ADGRB3: variants seen among roughly 807,000 people sequenced by gnomAD.
ADGRB3 encodes brain-specific angiogenesis inhibitor 3.
A neutral mutation model predicts 193.4 loss-of-function variants in ADGRB3; 37 were observed. That is an observed-to-expected ratio of 0.19 (90% CI 0.15 to 0.25). The LOEUF (loss-of-function observed/expected upper bound fraction) is 0.25. ADGRB3 is among the 10% of genes least tolerant of loss of function. The pLI is 1.00. For synonymous variants in ADGRB3, 690 were observed against 644.2 expected (o/e 1.07, Z -1.08); for missense variants, 1,637 against 1,852.9 (o/e 0.88, Z 2.14).
intron 17 of ADGRB3, among the ~76,000 whole-genome samples, chr6:69,146,317 C>G (rs755603931): frequency 2.0e-5 from 3 of 152,212 alleles, no homozygotes; most frequent in Non-Finnish European, 4.4e-5. Context: ...CAACTTTGCT[C>G]AAAGATCAGA....
chr6:69,077,511 A>G (rs1027695890), intron 17 of ADGRB3, among the ~76,000 whole-genome samples: 3 of 151,876 alleles, frequency 2.0e-5, no homozygotes, highest in Non-Finnish European at 2.9e-5. Context: ...AGTGTTAGTT[A>G]TTCCAAAAGC....
rs752043120 is a variant in ADGRB3 at position 68,975,344 on chromosome 6, G to T, written c.1734+4G>T. 6.2e-7 allele frequency: 1 copy of T among 1,607,932 alleles called. No individual in the cohort carries two copies. The highest frequency in any genetic ancestry group is 8.5e-7 in the Non-Finnish European group (1 of 1,174,794). On this transcript the variant is annotated splice_donor_region_variant and intron_variant, in intron 10 of 31. Transcript: ENST00000370598. ...GTACAGACACTTGCAGCATTCAGTA[G>T]GTGCAAAGCCAGCTTTAGTACTTGC... is the stretch of plus-strand genomic sequence containing the variant.
intron 31 of ADGRB3, among the ~76,000 whole-genome samples, chr6:69,385,504 A>G (rs1770051179): frequency 6.6e-6 from 1 of 152,010 alleles, no homozygotes; most frequent in African/African-American, 2.4e-5. Flanking sequence ...CTAACATTCT[A>G]TTTCTACTGA....
intron 3 of ADGRB3, among the ~76,000 whole-genome samples, chr6:68,922,887 T>TTAG (rs929729566): frequency 2.6e-5 from 4 of 151,104 alleles, no homozygotes; most frequent in African/African-American, 7.3e-5. Context: ...CACTTGTCCC[T>TTAG]TAGTATAATA....
At chr6:69,111,336 G>T (rs1443387223) in intron 17 of ADGRB3, among the ~76,000 whole-genome samples, 3 of 152,144 alleles carry the variant, frequency 2.0e-5, no homozygotes, top group African/African-American at 7.2e-5. Context: ...CCAGGTAAAT[G>T]GTTTGCAGTA....
intron 3 of ADGRB3, among the ~76,000 whole-genome samples, chr6:68,688,895 C>T (rs1274737760): frequency 6.6e-6 from 1 of 152,138 alleles, no homozygotes; most frequent in Non-Finnish European, 1.5e-5. Flanking sequence ...TTAATCCTTG[C>T]ATTAATGATT....
intron 17 of ADGRB3, among the ~76,000 whole-genome samples, chr6:69,198,420 C>A (rs1043136779): frequency 1.3e-5 from 2 of 151,946 alleles, no homozygotes; most frequent in African/African-American, 4.8e-5. Context: ...GTTAAGATAA[C>A]TAGTCTGAAG....
chr6:68,723,505 A>G (rs1765620779), intron 3 of ADGRB3, among the ~76,000 whole-genome samples: 1 of 151,756 alleles, frequency 6.6e-6, no homozygotes, highest in Non-Finnish European at 1.5e-5. Context: ...ATGAGTGGTT[A>G]TAAATTTTTT....
Position 68,862,155 on chromosome 6 carries a change from C to A in ADGRB3, c.758-68404C>A, listed in dbSNP as rs565637711. 3.3e-4 allele frequency among the ~76,000 whole-genome samples: 47 copies of A among 142,956 alleles called. 1 individual carries two copies. In the South Asian group the frequency reaches 0.011, roughly 34 times the overall value. The allele number at this position is 142,956 out of a possible 152,430, so 93.8% of individuals were successfully genotyped here. A position where few individuals can be genotyped will look rare whatever the true frequency, so the allele number is the denominator to read the frequency against. On this transcript the variant is annotated intron_variant, in intron 3 of 31. Coordinates refer to ENST00000370598, the MANE Select transcript of ADGRB3 (RefSeq NM_001704.3). ...GACCCCCCCCCCCACCCCAATTCAG[C>A]AATGCTTTCTCCTTATGGGCATAAA...
intron 3 of ADGRB3, among the ~76,000 whole-genome samples, chr6:68,649,020 T>G (rs1231779167): frequency 2.1e-5 from 3 of 144,364 alleles, no homozygotes; most frequent in African/African-American, 8.8e-5. Context: ...GGGCAATAAC[T>G]GTGTCAGTTA....
intron 17 of ADGRB3, among the ~76,000 whole-genome samples, chr6:69,093,111 G>A (rs1772763539): frequency 6.6e-6 from 1 of 151,546 alleles, no homozygotes; most frequent in Non-Finnish European, 1.5e-5. Context: ...AGAGCGGGGT[G>A]GGCACCCTAA....
intron 17 of ADGRB3, among the ~76,000 whole-genome samples, chr6:69,094,369 T>C (rs897617975): frequency 1.3e-5 from 2 of 152,248 alleles, no homozygotes; most frequent in Non-Finnish European, 2.9e-5. Context: ...GTTTCTTCTT[T>C]CCAAAGCTTT....
rs139838776 is a variant in ADGRB3, at chr6:69,164,464, T to C, written c.2481-68826T>C. 3.9e-5 allele frequency among the ~76,000 whole-genome samples: 6 copies of C among 151,992 alleles called. No homozygotes were observed. In the East Asian group the frequency reaches 1.2e-3, roughly 29 times the overall value. ...GTTATCACATATCCAGACATTGGAG[T>C]GATTTCATGAAGAATTTGAATAAAT... On this transcript the variant is annotated intron_variant, in intron 17 of 31. Coordinates refer to ENST00000370598, the MANE Select transcript of ADGRB3 (RefSeq NM_001704.3).
intron 3 of ADGRB3, among the ~76,000 whole-genome samples, chr6:68,834,324 A>G (rs557578498): frequency 6.6e-6 from 1 of 152,170 alleles, no homozygotes; most frequent in Admixed American, 6.5e-5. Flanking sequence ...GCACAAGGCT[A>G]ATAACCCTGT....
rs1769443558 is a variant in ADGRB3, at chr6:69,361,199, T to C, written c.3926T>C (p.Ile1309Thr). 3 of 1,612,678 alleles carry C rather than the reference T, an allele frequency of 1.9e-6. No homozygotes were observed. Among genetic ancestry groups the C allele is most frequent in the South Asian group, 1.1e-5 (1 of 91,052 alleles). ...PQERMMESDYIVMPRSSVNNQ... is the reference protein window; with the variant it reads ...PQERMMESDYTVMPRSSVNNQ... Reference sequence around the variant, plus strand: ...GAAAGAATGATGGAAAGTGACTATATTGTGATGCCCAGAAGTTCTGTAAAT... The same window carrying C: ...GAAAGAATGATGGAAAGTGACTATACTGTGATGCCCAGAAGTTCTGTAAAT... Residue 1309 changes from isoleucine (I) to threonine (T), a missense_variant, in exon 29 of 32, where the codon ATT becomes ACT. By Grantham distance (89) the Ile-to-Thr change is moderately conservative. Transcript: ENST00000370598.
chr6:68,695,822 C>A (rs1482473014), intron 3 of ADGRB3, among the ~76,000 whole-genome samples: 1 of 151,940 alleles, frequency 6.6e-6, no homozygotes, highest in Non-Finnish European at 1.5e-5. Flanking sequence ...CCCAAATAGA[C>A]AATCTCGGTG....
At chr6:68,904,453 C>T (rs529201075) in intron 3 of ADGRB3, among the ~76,000 whole-genome samples, 4 of 152,218 alleles carry the variant, frequency 2.6e-5, no homozygotes, top group South Asian at 2.1e-4. Context: ...CTACTTCTCT[C>T]GTTTGGCTTT....
chr6:68,735,791 C>T (rs986031304), intron 3 of ADGRB3, among the ~76,000 whole-genome samples: 2 of 152,050 alleles, frequency 1.3e-5, no homozygotes, highest in South Asian at 4.1e-4. Flanking sequence ...ATATTAGCAG[C>T]AAATTCCTAA....
chr6:68,826,061 T>C (rs1225249317), intron 3 of ADGRB3, among the ~76,000 whole-genome samples: 1 of 152,030 alleles, frequency 6.6e-6, no homozygotes, highest in African/African-American at 2.4e-5. Context: ...TCAGCAGATA[T>C]ATTTTGAATA....
Sources: allele counts gnomAD v4.1 joint callset (sites outside exome capture counted in the v4.1 genomes callset), GRCh38; gene constraint gnomAD v4.1.1; transcripts MANE v1.5; gene names NCBI Gene and HGNC (gene_info 2026-07-23, HGNC 2026-07-21).